The following USP34 variants were observed in gnomAD, a reference collection of about 807,000 sequenced individuals.
The protein encoded by USP34 is ubiquitin specific peptidase 34, also known as ubiquitin carboxyl-terminal hydrolase 34.
Under a neutral mutation model 460.3 loss-of-function variants are expected in USP34, and 70 were observed. That is an observed-to-expected ratio of 0.15 (90% confidence interval 0.13 to 0.19). The LOEUF is 0.19. Ranked by LOEUF, USP34 falls within the 10% of genes least tolerant of loss-of-function variation. The pLI is 1.00. For missense variants in USP34, 3,985 were observed against 4,236.2 expected (o/e 0.94, Z 1.65); for synonymous variants, 1,647 against 1,405.3 (o/e 1.17, Z -3.85).
At chr2:61,265,865 A>G in intron 42 of USP34, 119 bp downstream of exon 42, 1 of 972,856 alleles carries the variant, frequency 1.0e-6, no homozygotes, top group South Asian at 3.9e-5. Flanking sequence ...ACACCCTACC[A>G]ATAATCATTT....
intron 53 of USP34, among the ~76,000 whole-genome samples, chr2:61,238,982 T>C (rs1345314416): frequency 1.3e-5 from 2 of 151,108 alleles, no homozygotes; most frequent in Admixed American, 6.6e-5. Flanking sequence ...TATATTATTA[T>C]ATATTATATT....
rs1252975193 is a variant in USP34 at position 61,214,081 on chromosome 2, T to C, written c.8661A>G (p.Pro2887=). Residue 2887 remains proline, a synonymous_variant, in exon 68 of 80, where the codon CCA becomes CCG. Transcript: ENST00000398571. ...TCACTCCAGGGTATTGGCTGGCATGTGGTGTAAGATTCTTAAAGGCCCACT... is the reference window on the plus strand; with the variant it reads ...TCACTCCAGGGTATTGGCTGGCATGCGGTGTAAGATTCTTAAAGGCCCACT... ...NIQWAFKNLT[P]HASQYPGAVE... 1 of 1,614,208 alleles carries C rather than the reference T, an allele frequency of 6.2e-7. No homozygotes were observed. The highest frequency in any genetic ancestry group is 1.7e-5 in the Admixed American group (1 of 60,028).
chr2:61,337,101 T>G (rs904236940), intron 18 of USP34, among the ~76,000 whole-genome samples: 4 of 152,156 alleles, frequency 2.6e-5, no homozygotes, highest in Non-Finnish European at 5.9e-5. Context: ...TAAACACATC[T>G]ATGTAACCAG....
intron 18 of USP34, among the ~76,000 whole-genome samples, chr2:61,335,200 A>G (rs1039485721): frequency 2.0e-5 from 3 of 152,218 alleles, no homozygotes; most frequent in Non-Finnish European, 4.4e-5. Context: ...AATCAAATAT[A>G]AAACTCGTTC....
chr2:61,436,796 A>C (rs1283793532), intron 1 of USP34, among the ~76,000 whole-genome samples: 5 of 152,242 alleles, frequency 3.3e-5, no homozygotes, highest in Non-Finnish European at 4.4e-5. Flanking sequence ...GACATAAAAC[A>C]AGTCTCAACC....
At chr2:61,437,208 AAAAC>A (rs1449072146) in intron 1 of USP34, among the ~76,000 whole-genome samples, 4 of 152,196 alleles carry the variant, frequency 2.6e-5, no homozygotes, top group African/African-American at 7.2e-5. Context: ...AATTGAGACT[AAAAC>A]AAATTACAGG....
chr2:61,271,456 T>G (rs1055938167), intron 41 of USP34, among the ~76,000 whole-genome samples: 7 of 152,216 alleles, frequency 4.6e-5, no homozygotes, highest in Non-Finnish European at 8.8e-5. Flanking sequence ...AATGTACTGT[T>G]TGACTGTCAG....
At chr2:61,447,912 C>T (rs892558372) in intron 1 of USP34, among the ~76,000 whole-genome samples, 29 of 152,274 alleles carry the variant, frequency 1.9e-4, no homozygotes, top group Non-Finnish European at 3.4e-4. Flanking sequence ...GACAAGGTTT[C>T]ACCATGTTGG....
chr2:61,330,141 T>C (rs1691214765), intron 20 of USP34, among the ~76,000 whole-genome samples: 5 of 152,186 alleles, frequency 3.3e-5, no homozygotes, highest in Admixed American at 2.6e-4. Flanking sequence ...AAACAGACTG[T>C]CGGTACAGAA....
At chr2:61,215,949 T>C (rs1455898527) in intron 67 of USP34, among the ~76,000 whole-genome samples, 1 of 152,182 alleles carries the variant, frequency 6.6e-6, no homozygotes, top group Non-Finnish European at 1.5e-5. Context: ...TAACATTCAC[T>C]ATGGAACCTC....
At chr2:61,280,196 T>G in intron 39 of USP34, 48 bp downstream of exon 39, 1 of 1,098,508 alleles carries the variant, frequency 9.1e-7, no homozygotes, top group Non-Finnish European at 1.3e-6. Flanking sequence ...ATAATTCATA[T>G]TAACAAGAAG....
Position 61,187,982 on chromosome 2 carries a change from T to C in USP34, c.*120A>G, listed in dbSNP as rs1460146470. 3.4e-6 allele frequency: 5 copies of C among 1,471,558 alleles called. No individual in the cohort carries two copies. The highest frequency in any genetic ancestry group is 2.8e-5 in the African/African-American group (2 of 70,566). The allele number at this position is 1,471,558 out of a possible 1,614,324, so 91.2% of individuals were successfully genotyped here. A position where few individuals can be genotyped will look rare whatever the true frequency, so the allele number is the denominator to read the frequency against. ...CAAGAATTAAGCCTATAAATCTATC[T>C]TGCCATTCAAGCAGAGAGCACTGGA... On this transcript the variant is annotated 3_prime_UTR_variant, in exon 80 of 80. Coordinates refer to ENST00000398571, the MANE Select transcript of USP34 (RefSeq NM_014709.4).
chr2:61,209,664 G>T (rs185943130), intron 69 of USP34, among the ~76,000 whole-genome samples: 14 of 152,308 alleles, frequency 9.2e-5, no homozygotes, highest in African/African-American at 3.1e-4. Flanking sequence ...AAATGACTAT[G>T]TTACTGGTTT....
intron 1 of USP34, among the ~76,000 whole-genome samples, chr2:61,449,393 C>T (rs1341618144): frequency 2.6e-5 from 4 of 151,594 alleles, no homozygotes; most frequent in Admixed American, 6.6e-5. Flanking sequence ...CAACTTGATA[C>T]ACAGATTCAC....
intron 42 of USP34, 84 bp downstream of exon 42, chr2:61,265,900 A>G: frequency 8.0e-7 from 1 of 1,253,518 alleles, no homozygotes; most frequent in Admixed American, 2.4e-5. Flanking sequence ...TGTGAAGAGC[A>G]GATTCTTTTG....
chr2:61,436,291 G>C (rs369105207), intron 1 of USP34, among the ~76,000 whole-genome samples: 13 of 152,158 alleles, frequency 8.5e-5, no homozygotes, highest in Non-Finnish European at 4.4e-5. Flanking sequence ...GATTGTGCCA[G>C]CCTGTGCAAC....
intron 5 of USP34, among the ~76,000 whole-genome samples, chr2:61,386,976 T>C (rs575611453): frequency 1.3e-5 from 2 of 152,140 alleles, no homozygotes; most frequent in East Asian, 1.9e-4. Context: ...ATATTGGCAA[T>C]ACATATATCA....
chr2:61,296,677 T>C (rs1257197300), intron 30 of USP34, 123 bp downstream of exon 30: 2 of 1,005,130 alleles, frequency 2.0e-6, no homozygotes, highest in Non-Finnish European at 1.4e-6. Flanking sequence ...TTTTACCTAC[T>C]ATATGGGTAA....
At chr2:61,370,217 G>C (rs1386237938) in intron 10 of USP34, 104 bp downstream of exon 10, 3 of 1,141,628 alleles carry the variant, frequency 2.6e-6, no homozygotes, top group South Asian at 1.5e-5. Context: ...TCCATGTCTT[G>C]GTCTCCTTAG....
Sources: allele counts gnomAD v4.1 joint callset (sites outside exome capture counted in the v4.1 genomes callset), GRCh38; gene constraint gnomAD v4.1.1; transcripts MANE v1.5; gene names NCBI Gene and HGNC (gene_info 2026-07-23, HGNC 2026-07-21).